Variants in CCN3 observed in about 807,000 individuals in gnomAD.
CCN3 encodes the protein cellular communication network factor 3, also known as CCN family member 3.
CCN3 carries 20 observed loss-of-function variants against 33.4 expected under a neutral mutation model. That is an observed-to-expected ratio of 0.60 (90% CI 0.42 to 0.87). CCN3 has a LOEUF of 0.87. Ranked by LOEUF, CCN3 falls within the 40% of genes least tolerant of loss-of-function variation. The pLI is 0.00. For missense variants in CCN3, 465 were observed against 455.3 expected (o/e 1.02, Z -0.19); for synonymous variants, 205 against 170.4 (o/e 1.20, Z -1.58).
intron 2 of CCN3, 27 bp downstream of exon 2, chr8:119,416,996 C>T (rs1250513574): frequency 1.9e-6 from 3 of 1,568,806 alleles, no homozygotes; most frequent in Non-Finnish European, 2.6e-6. Context: ...TGCTGTTTGA[C>T]CTCTTCTCCT....
chr8:119,417,154 AG>A, intron 2 of CCN3, 185 bp downstream of exon 2: 1 of 580,608 alleles, frequency 1.7e-6, no homozygotes, highest in Non-Finnish European at 2.9e-6. Context: ...GGCTTTGGGG[AG>A]CGCCAGAGCC....
chr8:119,418,349 G>T, intron 3 of CCN3, 40 bp downstream of exon 3: 1 of 1,590,530 alleles, frequency 6.3e-7, no homozygotes, highest in Non-Finnish European at 8.6e-7. Context: ...CATAGTAGAG[G>T]GTAAATACAA....
intron 1 of CCN3, 45 bp from the exon 2 acceptor site, chr8:119,416,699 T>G: frequency 6.3e-7 from 1 of 1,579,134 alleles, no homozygotes; most frequent in Non-Finnish European, 8.6e-7. Context: ...TCACTGCGTC[T>G]TCTGTCCCAG....
Position 119,418,257 on chromosome 8 carries a change from G to C in CCN3, c.510G>C (p.Lys170Asn). The change falls in exon 3 of 5, where the codon AAG becomes AAC. Residue 170 changes from lysine (K) to asparagine (N), a missense_variant. Coordinates refer to ENST00000259526, the MANE Select transcript of CCN3 (RefSeq NM_002514.4). ...KVEVPGECCEKWICGPDEEDS... is the reference protein window; with the variant it reads ...KVEVPGECCENWICGPDEEDS... ...AGGTGCCTGGAGAGTGCTGTGAAAA[G>C]TGGATCTGTGGCCCAGATGAGGAGG... is the stretch of plus-strand genomic sequence containing the variant. The C allele has an allele frequency of 6.2e-7, 1 of 1,614,216 alleles. No individual in the cohort carries two copies. The highest frequency in any genetic ancestry group is 8.5e-7 in the Non-Finnish European group (1 of 1,180,044).
At chr8:119,417,930 C>A (rs766161003) in intron 2 of CCN3, 128 bp from the exon 3 acceptor site, 3 of 890,342 alleles carry the variant, frequency 3.4e-6, no homozygotes, top group African/African-American at 3.3e-5. Flanking sequence ...GAAACCAGAT[C>A]GCCTGAACTA....
At chr8:119,418,988 A>T (rs544422021) in intron 3 of CCN3, 143 bp from the exon 4 acceptor site, 3 of 607,396 alleles carry the variant, frequency 4.9e-6, no homozygotes, top group Non-Finnish European at 5.8e-6. Flanking sequence ...AGATAAATAA[A>T]TTCAGTTCTG....
At chr8:119,417,022 T>G (rs1820060886) in intron 2 of CCN3, 53 bp downstream of exon 2, 1 of 1,455,552 alleles carries the variant, frequency 6.9e-7, no homozygotes, top group African/African-American at 1.4e-5. Context: ...TAAGTGAAGC[T>G]GCTTCCTCCC....
chr8:119,417,284 C>T (rs1284152442), intron 2 of CCN3, among the ~76,000 whole-genome samples: 3 of 152,054 alleles, frequency 2.0e-5, no homozygotes, highest in Non-Finnish European at 4.4e-5. Context: ...CCTTCGGACA[C>T]TTCTAGGGGG....
chr8:119,421,185 T>A (rs1463638954), intron 4 of CCN3, among the ~76,000 whole-genome samples: 2 of 151,864 alleles, frequency 1.3e-5, no homozygotes, highest in Admixed American at 6.6e-5. Context: ...TTTTTTTGTA[T>A]TTTTTAGTAG....
chr8:119,421,748 T>C (rs1563617378), intron 4 of CCN3, among the ~76,000 whole-genome samples: 1 of 152,220 alleles, frequency 6.6e-6, no homozygotes, highest in Non-Finnish European at 1.5e-5. Context: ...CATCACGTAA[T>C]AGAAAGAATG....
chr8:119,421,987 T>C (rs963919204), intron 4 of CCN3, among the ~76,000 whole-genome samples: 6 of 152,216 alleles, frequency 3.9e-5, no homozygotes, highest in African/African-American at 1.4e-4. Context: ...TATTAGTCCA[T>C]TTTCAAACTG....
Position 119,416,828 on chromosome 8 carries a change from G to A in CCN3, c.169G>A (p.Val57Met). 2 of 1,611,286 alleles carry A rather than the reference G, an allele frequency of 1.2e-6. No homozygotes were observed. Among genetic ancestry groups the A allele is most frequent in the Non-Finnish European group, 8.5e-7 (1 of 1,179,126 alleles). ...GACCTGCGCCCCCGGGGTGCGCGCG[G>A]TGCTGGACGGCTGCTCATGCTGTCT... ...PPTCAPGVRA[V>M]LDGCSCCLVC... Residue 57 changes from valine to methionine, a missense_variant, in exon 2 of 5, where the codon GTG becomes ATG. Val to Met is a conservative substitution (Grantham distance 21, BLOSUM62 1). Transcript: ENST00000259526.
intron 4 of CCN3, among the ~76,000 whole-genome samples, chr8:119,421,247 G>A (rs547229629): frequency 6.6e-6 from 1 of 152,174 alleles, no homozygotes; most frequent in Admixed American, 6.5e-5. Flanking sequence ...CTGACCTTGT[G>A]ATCTGCCCGC....
intron 4 of CCN3, among the ~76,000 whole-genome samples, chr8:119,421,105 G>A (rs567794435): frequency 1.5e-5 from 2 of 133,836 alleles, no homozygotes; most frequent in African/African-American, 5.8e-5. Flanking sequence ...CGCAAGCTCC[G>A]CCTCCCGGGT....
chr8:119,417,963 C>T, intron 2 of CCN3, 95 bp from the exon 3 acceptor site: 1 of 1,309,160 alleles, frequency 7.6e-7, no homozygotes, highest in Middle Eastern at 2.5e-4. Flanking sequence ...GGTTTTGGAA[C>T]ATGCCCTCCA....
intron 2 of CCN3, 168 bp downstream of exon 2, chr8:119,417,137 C>T (rs1820062349): frequency 1.6e-6 from 1 of 637,694 alleles, no homozygotes; most frequent in Middle Eastern, 4.2e-4. Flanking sequence ...GTTTGGGGAG[C>T]ACTTGGGGCT....
At chr8:119,417,032 C>T in intron 2 of CCN3, 63 bp downstream of exon 2, 1 of 1,395,956 alleles carries the variant, frequency 7.2e-7, no homozygotes, top group Non-Finnish European at 9.9e-7. Context: ...TGCTTCCTCC[C>T]TTCTCTTTTG....
chr8:119,418,367 G>A lies in CCN3; in HGVS notation c.562+58G>A, dbSNP rs150180672. On this transcript the variant is annotated intron_variant, in intron 3 of 4. Transcript: ENST00000259526. Reference sequence around the variant, plus strand: ...AGTAGAGGGTAAATACAAACATGAAGAATTTGCAATCTCTTGGATTTGAAA... The same window carrying A: ...AGTAGAGGGTAAATACAAACATGAAAAATTTGCAATCTCTTGGATTTGAAA... The A allele has an allele frequency of 5.9e-5, 92 of 1,565,634 alleles. No homozygotes were observed. The African/African-American group carries it at 9.7e-4, about 16-fold the overall frequency.
intron 2 of CCN3, among the ~76,000 whole-genome samples, chr8:119,417,337 C>T (rs917902431): frequency 6.6e-6 from 1 of 152,152 alleles, no homozygotes; most frequent in African/African-American, 2.4e-5. Flanking sequence ...CACACGCTCA[C>T]AGTTTCCCAA....
Sources: gnomAD v4.1 joint callset for allele counts (sites outside exome capture counted in the v4.1 genomes callset) on GRCh38, gnomAD v4.1.1 for gene constraint, MANE v1.5 for transcripts, NCBI Gene and HGNC (gene_info 2026-07-23, HGNC 2026-07-21) for gene names.